Variants in PRPF38B observed in about 807,000 individuals in gnomAD.
PRPF38B encodes pre-mRNA processing factor 38B.
In PRPF38B, 18 loss-of-function variants were observed where a neutral mutation model predicts 67.2. The ratio of observed to expected loss-of-function variants is 0.27; its 90% CI spans 0.19 to 0.40. The LOEUF is 0.40. Ranked by LOEUF, PRPF38B falls within the 10% of genes least tolerant of loss-of-function variation. PRPF38B has a pLI of 1.00. For synonymous variants in PRPF38B, 246 were observed against 234.2 expected (o/e 1.05, Z -0.46); for missense variants, 544 against 684.9 (o/e 0.79, Z 2.30).
chr1:108,698,799 G>A lies in PRPF38B; in HGVS notation c.754G>A (p.Asp252Asn). ...TGGGAAGGAAGGTGCTGAGGAAATA[G>A]ACAGACATGTTGAACGCAGACGTTC... is the stretch of plus-strand genomic sequence containing the variant. ...KDGKEGAEEI[D>N]RHVERRRSRS... Residue 252 changes from aspartate (D) to asparagine (N), a missense_variant, in exon 5 of 6, where the codon GAC becomes AAC. Around this residue, in one of 5 missense-constraint regions of PRPF38B, gnomAD observed 387 missense variants for 386.1 expected, o/e 1.00. Transcript: ENST00000370025. 2 of 1,613,720 alleles carry A rather than the reference G, an allele frequency of 1.2e-6. No individual in the cohort carries two copies. Among genetic ancestry groups the A allele is most frequent in the Non-Finnish European group, 1.7e-6 (2 of 1,179,708 alleles).
In PRPF38B at chr1:108,699,352, T is replaced by G; in HGVS notation, c.973T>G (p.Leu325Val). ...RRRSRSIDRG[L>V]ERRRSRSRER... ...AAGATCCCGAAGTATTGACCGGGGG[T>G]TAGAACGCAGGCGCAGCAGAAGTAG... Residue 325 changes from leucine (L) to valine (V), a missense_variant, in exon 6 of 6, where the codon TTA becomes GTA. Leu to Val is a conservative substitution (Grantham distance 32, BLOSUM62 1). Coordinates refer to ENST00000370025, the MANE Select transcript of PRPF38B (RefSeq NM_018061.4). 1 of 1,612,890 alleles carries G rather than the reference T, an allele frequency of 6.2e-7. No homozygotes were observed. The highest frequency in any genetic ancestry group is 8.5e-7 in the Non-Finnish European group (1 of 1,179,680).
chr1:108,702,080 G>A lies in PRPF38B; in HGVS notation c.*2060G>A, dbSNP rs555490626. On this transcript the variant is annotated 3_prime_UTR_variant, in exon 6 of 6. Coordinates refer to ENST00000370025, the MANE Select transcript of PRPF38B (RefSeq NM_018061.4). ...ATGGAGGTGAAAGAACTATCACCTC[G>A]ATTGACAGTTCGATGATCGTCACTA... Among the ~76,000 whole-genome samples the A allele has an allele frequency of 8.5e-5, 13 of 152,274 alleles. No homozygotes were observed. In the South Asian group the frequency reaches 2.7e-3, roughly 32 times the overall value.
intron 1 of PRPF38B, among the ~76,000 whole-genome samples, chr1:108,695,059 T>G (rs1389407054): frequency 2.6e-5 from 4 of 152,226 alleles, no homozygotes; most frequent in African/African-American, 9.6e-5. Context: ...AGTGTGGCCT[T>G]TGTAATTTTA....
chr1:108,698,906 T>C lies in PRPF38B; in HGVS notation c.782+79T>C, dbSNP rs1390404841. On this transcript the variant is annotated intron_variant, in intron 5 of 5. Coordinates refer to ENST00000370025, the MANE Select transcript of PRPF38B (RefSeq NM_018061.4). ...AATGGTTCTGAGAAATAGCAAGTTCTTAGGAATTTGTTTTTACTGTTCATT... is the reference window on the plus strand; with the variant it reads ...AATGGTTCTGAGAAATAGCAAGTTCCTAGGAATTTGTTTTTACTGTTCATT... 3.7e-6 allele frequency: 5 copies of C among 1,367,860 alleles called. No individual in the cohort carries two copies. The African/African-American group carries it at 7.4e-5, about 20-fold the overall frequency. The allele number at this position is 1,367,860 out of a possible 1,614,324, so 84.7% of individuals were successfully genotyped here.
rs150102947 is a variant in PRPF38B, at chr1:108,696,934, C to G, written c.558+597C>G. On this transcript the variant is annotated intron_variant, in intron 4 of 5. Coordinates refer to ENST00000370025, the MANE Select transcript of PRPF38B (RefSeq NM_018061.4). ...AAAAGAAATTTTTTAAATTGTAATT[C>G]GAGTCTCCCTAATTTGAAATCTGAA... The G allele has an allele frequency of 4.3e-4, 236 of 548,294 alleles. 2 individuals are homozygous for G. In the East Asian group the frequency reaches 6.7e-3, roughly 16 times the overall value. 34.0% of individuals were successfully genotyped at this position (548,294 alleles called of 1,614,324 possible).
At position 108,699,693 on chromosome 1, in the gene PRPF38B, G is replaced by A. The variant is rs776930193; in HGVS notation, c.1314G>A (p.Arg438=). ...GCAGAGAAAGGAAACACAGAAGTAG[G>A]AGTCGAAGTAGAAATGCAGGGAAAC... The part of the protein sequence containing the change: ...SRSRERKHRS[R]SRSRNAGKRS... Residue 438 remains arginine (R), a synonymous_variant, in exon 6 of 6, where the codon AGG becomes AGA. Transcript: ENST00000370025. The A allele has an allele frequency of 1.2e-6, 2 of 1,603,784 alleles. No individual in the cohort carries two copies. The highest frequency in any genetic ancestry group is 1.3e-5 in the African/African-American group (1 of 74,574).
chr1:108,699,470 G>C lies in PRPF38B; in HGVS notation c.1091G>C (p.Arg364Thr). Reference protein sequence around the residue: ...REREKENERGRRRDRDYDKER... With the variant: ...REREKENERGTRRDRDYDKER... ...AGAGAGAAAGAAAATGAGAGAGGTA[G>C]AAGACGAGATCGTGACTATGATAAG... Residue 364 changes from arginine (R) to threonine (T), a missense_variant, in exon 6 of 6, where the codon AGA becomes ACA. Physicochemically the swap from Arg to Thr is moderately conservative, Grantham distance 71 (BLOSUM62 -1). Transcript: ENST00000370025. 1 of 1,609,078 alleles carries C rather than the reference G, an allele frequency of 6.2e-7. No homozygotes were observed. Among genetic ancestry groups the C allele is most frequent in the Non-Finnish European group, 8.5e-7 (1 of 1,177,442 alleles).
intron 4 of PRPF38B, chr1:108,696,987 G>C (rs1365189600): frequency 1.9e-6 from 1 of 526,882 alleles, no homozygotes; most frequent in Non-Finnish European, 3.3e-6. Context: ...AATCGTGTAT[G>C]CATTGGCTGG....
At position 108,692,550 on chromosome 1, in the gene PRPF38B, C is replaced by G; in HGVS notation, c.-42C>G. On this transcript the variant is annotated 5_prime_UTR_variant, in exon 1 of 6. Transcript: ENST00000370025. ...CGAAGAGCGAGATCGAGCTTGGCCC[C>G]CTCCCCCCCCTCCTTCCCTCCCTCC... 1 of 1,457,442 alleles carries G rather than the reference C, an allele frequency of 6.9e-7. No individual in the cohort carries two copies. The highest frequency in any genetic ancestry group is 9.2e-7 in the Non-Finnish European group (1 of 1,087,302). The allele number at this position is 1,457,442 out of a possible 1,614,324, so 90.3% of individuals were successfully genotyped here. A position where few individuals can be genotyped will look rare whatever the true frequency, so the allele number is the denominator to read the frequency against.
Position 108,700,025 on chromosome 1 carries a change from A to G in PRPF38B, c.*5A>G, listed in dbSNP as rs543624326. 4.5e-6 allele frequency: 7 copies of G among 1,572,400 alleles called. No homozygotes were observed. The African/African-American group carries it at 8.3e-5, about 19-fold the overall frequency. ...AACAAAGATGAGACTGTGTGAAAATATTTTGTAAAAGTGGATCACATTGAA... is the reference window on the plus strand; with the variant it reads ...AACAAAGATGAGACTGTGTGAAAATGTTTTGTAAAAGTGGATCACATTGAA... On this transcript the variant is annotated 3_prime_UTR_variant, in exon 6 of 6. Coordinates refer to ENST00000370025, the MANE Select transcript of PRPF38B (RefSeq NM_018061.4).
intron 5 of PRPF38B, 37 bp downstream of exon 5, chr1:108,698,864 A>G (rs917068622): frequency 4.6e-6 from 7 of 1,533,466 alleles, no homozygotes; most frequent in Non-Finnish European, 6.3e-6. Flanking sequence ...TTTTTCATAT[A>G]TGCTTTATAC....
chr1:108,692,415 C>A lies in PRPF38B; in HGVS notation c.-177C>A. 1.4e-6 allele frequency: 1 copy of A among 709,390 alleles called. No individual in the cohort carries two copies. Among genetic ancestry groups the A allele is most frequent in the South Asian group, 1.9e-5 (1 of 52,004 alleles). The allele number at this position is 709,390 out of a possible 1,614,324, so 43.9% of individuals were successfully genotyped here. A position where few individuals can be genotyped will look rare whatever the true frequency, so the allele number is the denominator to read the frequency against. On this transcript the variant is annotated 5_prime_UTR_variant, in exon 1 of 6. Transcript: ENST00000370025. ...CTGGGTTTCGCTGTCTGCTCTTGGC[C>A]CGGGGTCATTTTGTCGGCGTCGGGT...
chr1:108,696,401 T>C (rs1328115692), intron 4 of PRPF38B, 64 bp downstream of exon 4: 2 of 1,423,160 alleles, frequency 1.4e-6, no homozygotes, highest in African/African-American at 2.9e-5. Flanking sequence ...TTATCTTTTA[T>C]TTATTGGTGG....
chr1:108,692,877 G>A lies in PRPF38B; in HGVS notation c.276+10G>A. ...CGAGATCTACTTTAAGGTACGAAGT[G>A]TGTAGGCCTTGGCTTTGGGGGTAAG... On this transcript the variant is annotated intron_variant, in intron 1 of 5. Transcript: ENST00000370025. 6.2e-7 allele frequency: 1 copy of A among 1,608,212 alleles called. No homozygotes were observed. The highest frequency in any genetic ancestry group is 8.5e-7 in the Non-Finnish European group (1 of 1,176,048).
Position 108,699,849 on chromosome 1 carries a change from T to A in PRPF38B, c.1470T>A (p.His490Gln). ...TTGAAAAATCAAAAAAACGGGAACA[T>A]AGTCCCAGCAAAGAAAAATCTAGAA... is the stretch of plus-strand genomic sequence containing the variant. Reference protein sequence around the residue: ...DSVEKSKKREHSPSKEKSRKR... With the variant: ...DSVEKSKKREQSPSKEKSRKR... The change falls in exon 6 of 6, where the codon CAT becomes CAA. Residue 490 changes from histidine to glutamine, a missense_variant. Physicochemically the swap from His to Gln is conservative, Grantham distance 24. Coordinates refer to ENST00000370025, the MANE Select transcript of PRPF38B (RefSeq NM_018061.4). The A allele has an allele frequency of 6.2e-7, 1 of 1,613,622 alleles. No individual in the cohort carries two copies. The highest frequency in any genetic ancestry group is 8.5e-7 in the Non-Finnish European group (1 of 1,179,908).
rs745411650 is a variant in PRPF38B, at chr1:108,692,676, TGCG to T, written c.98_100del (p.Gly33del). On this transcript the variant is annotated inframe_deletion, in exon 1 of 6. Coordinates refer to ENST00000370025, the MANE Select transcript of PRPF38B (RefSeq NM_018061.4). ...AGCTGCGGCTCAGCAACAGCAGCAG[TGCG>T]GCGGCGGCGGCGCTACCAAGCCGGC... The T allele has an allele frequency of 6.8e-6, 11 of 1,612,178 alleles. No homozygotes were observed. The highest frequency in any genetic ancestry group is 1.6e-4 in the Middle Eastern group (1 of 6,084).
At position 108,699,794 on chromosome 1, in the gene PRPF38B, G is replaced by A. The variant is rs938158252; in HGVS notation, c.1415G>A (p.Arg472Gln). 12 of 1,612,844 alleles carry A rather than the reference G, an allele frequency of 7.4e-6. No individual in the cohort carries two copies. Among genetic ancestry groups the A allele is most frequent in the African/African-American group, 5.4e-5 (4 of 74,754 alleles). Reference sequence around the variant, plus strand: ...AAAGAAAAATCAAATAAACGAAGTCGAAGTGGCAGTCAAGGAAGAACTGAC... The same window carrying A: ...AAAGAAAAATCAAATAAACGAAGTCAAAGTGGCAGTCAAGGAAGAACTGAC... ...ESKEKSNKRS[R>Q]SGSQGRTDSV... Residue 472 changes from arginine (R) to glutamine (Q), a missense_variant, in exon 6 of 6, where the codon CGA (arginine) becomes CAA (glutamine). Coordinates refer to ENST00000370025, the MANE Select transcript of PRPF38B (RefSeq NM_018061.4).
Position 108,700,751 on chromosome 1 carries a change from A to G in PRPF38B, c.*731A>G, listed in dbSNP as rs534019662. 2 of 152,768 alleles carry G rather than the reference A, an allele frequency of 1.3e-5. No individual in the cohort carries two copies. Among genetic ancestry groups the G allele is most frequent in the East Asian group, 3.9e-4 (2 of 5,184 alleles). The allele number at this position is 152,768 out of a possible 1,614,324, so 9.5% of individuals were successfully genotyped here. On this transcript the variant is annotated 3_prime_UTR_variant, in exon 6 of 6. Transcript: ENST00000370025. ...TTTCCTTTTTTATTTGAAAAAATACATGACATGTAATCTTTTTTTCTTGAA... is the reference window on the plus strand; with the variant it reads ...TTTCCTTTTTTATTTGAAAAAATACGTGACATGTAATCTTTTTTTCTTGAA...
Position 108,702,611 on chromosome 1 carries a change from C to T in PRPF38B, c.*2591C>T, listed in dbSNP as rs995279015. On this transcript the variant is annotated 3_prime_UTR_variant, in exon 6 of 6. Coordinates refer to ENST00000370025, the MANE Select transcript of PRPF38B (RefSeq NM_018061.4). ...CTTGAAACATGAGAACATTTGGACA[C>T]GAACATCACACGCCGGGGCCTGTTG... 3.3e-5 allele frequency among the ~76,000 whole-genome samples: 5 copies of T among 152,020 alleles called. No individual in the cohort carries two copies. The highest frequency in any genetic ancestry group is 7.2e-5 in the African/African-American group (3 of 41,440).
Sources: allele counts gnomAD v4.1 joint callset (sites outside exome capture counted in the v4.1 genomes callset), GRCh38; gene constraint gnomAD v4.1.1; regional missense constraint gnomAD v4.1.1; transcripts MANE v1.5; gene names NCBI Gene and HGNC (gene_info 2026-07-23, HGNC 2026-07-21).